The following RALGAPA1 variants were observed in gnomAD, a reference collection of about 807,000 sequenced individuals.
The protein encoded by RALGAPA1 is ral GTPase-activating protein subunit alpha-1.
In RALGAPA1, 52 loss-of-function variants were observed where a neutral mutation model predicts 269.6. The ratio of observed to expected loss-of-function variants is 0.19; its 90% CI spans 0.15 to 0.24. The LOEUF is 0.24. RALGAPA1 is among the 10% of genes least tolerant of loss of function. The probability of loss-of-function intolerance (pLI) is 1.00; values close to 1 mark genes in which losing one functional copy is unlikely to be tolerated. For missense variants in RALGAPA1, 1,917 were observed against 3,013.9 expected (o/e 0.64, Z 8.52); for synonymous variants, 817 against 1,008.3 (o/e 0.81, Z 3.60).
At chr14:35,588,167 G>A (rs183891742) in intron 37 of RALGAPA1, among the ~76,000 whole-genome samples, 1 of 152,190 alleles carries the variant, frequency 6.6e-6, no homozygotes, top group Admixed American at 6.5e-5. Context: ...TTGACCTCAC[G>A]TTCCGCCCGC....
At chr14:35,569,248 T>A (rs2056966856) in intron 39 of RALGAPA1, among the ~76,000 whole-genome samples, 1 of 152,206 alleles carries the variant, frequency 6.6e-6, no homozygotes, top group East Asian at 1.9e-4. Context: ...AAGATATTTT[T>A]AAAAACTTTC....
chr14:35,575,199 T>G lies in RALGAPA1; in HGVS notation c.7210-2481A>C, dbSNP rs563558253. Among the ~76,000 whole-genome samples, 4 of 152,114 alleles carry G rather than the reference T, an allele frequency of 2.6e-5. No individual in the cohort carries two copies. In the East Asian group the frequency reaches 7.7e-4, roughly 29 times the overall value. The stretch of plus-strand genomic sequence containing the variant: ...TCTAAAACCACCAAAGAAGTTCCTA[T>G]CTACATGTTTATTGACCCAGATGCT... On this transcript the variant is annotated intron_variant, in intron 37 of 41. Transcript: ENST00000680220.
At chr14:35,755,907 C>T (rs867620827) in intron 7 of RALGAPA1, among the ~76,000 whole-genome samples, 3 of 152,072 alleles carry the variant, frequency 2.0e-5, no homozygotes, top group East Asian at 1.9e-4. Flanking sequence ...TGAATAAAAG[C>T]GTTTTCATCA....
At chr14:35,729,691 G>A (rs1489716029) in intron 12 of RALGAPA1, among the ~76,000 whole-genome samples, 1 of 152,176 alleles carries the variant, frequency 6.6e-6, no homozygotes, top group Admixed American at 6.5e-5. Flanking sequence ...ACAGAGTGAA[G>A]TAAACCAGGG....
intron 4 of RALGAPA1, chr14:35,766,751 T>C: frequency 1.9e-6 from 1 of 530,200 alleles, no homozygotes; most frequent in Non-Finnish European, 3.8e-6. Flanking sequence ...TTGCTAATGA[T>C]TTTGTGAATG....
chr14:35,793,024 A>T (rs1427528470), intron 1 of RALGAPA1, among the ~76,000 whole-genome samples: 4 of 152,118 alleles, frequency 2.6e-5, no homozygotes, highest in Non-Finnish European at 5.9e-5. Context: ...ATTATTATAA[A>T]GCCAGAAAAG....
At chr14:35,621,828 C>G (rs983079895) in intron 35 of RALGAPA1, among the ~76,000 whole-genome samples, 3 of 152,168 alleles carry the variant, frequency 2.0e-5, no homozygotes, top group Non-Finnish European at 4.4e-5. Context: ...CATCTCACAA[C>G]AGTTAGAATG....
At chr14:35,666,863 T>C (rs1416036697) in intron 26 of RALGAPA1, among the ~76,000 whole-genome samples, 1 of 152,178 alleles carries the variant, frequency 6.6e-6, no homozygotes, top group Non-Finnish European at 1.5e-5. Flanking sequence ...GAATACCCCA[T>C]TGAACAGTAA....
At chr14:35,548,691 A>C (rs377535952) in intron 40 of RALGAPA1, among the ~76,000 whole-genome samples, 153 bp from the exon 41 acceptor site, 1 of 152,302 alleles carries the variant, frequency 6.6e-6, no homozygotes, top group Non-Finnish European at 1.5e-5. Flanking sequence ...AACATAAATT[A>C]CAGTATTAAG....
intron 35 of RALGAPA1, among the ~76,000 whole-genome samples, chr14:35,611,568 C>A (rs1200299099): frequency 1.9e-4 from 26 of 137,690 alleles, no homozygotes; most frequent in African/African-American, 4.3e-4. Flanking sequence ...CCCGTCTCTA[C>A]AAAAAAAAAA....
chr14:35,797,254 G>T (rs1350164871), intron 1 of RALGAPA1, among the ~76,000 whole-genome samples: 1 of 149,542 alleles, frequency 6.7e-6, no homozygotes, highest in Admixed American at 6.7e-5. Flanking sequence ...CTAGGGGGCT[G>T]AAGCAGGAGA....
chr14:35,551,934 G>A (rs2055051207), intron 39 of RALGAPA1, among the ~76,000 whole-genome samples: 1 of 152,114 alleles, frequency 6.6e-6, no homozygotes, highest in Non-Finnish European at 1.5e-5. Flanking sequence ...GCAGAGTGAA[G>A]GGAAGCAATC....
chr14:35,790,413 C>T (rs762771654), intron 1 of RALGAPA1, among the ~76,000 whole-genome samples: 5 of 151,434 alleles, frequency 3.3e-5, no homozygotes, highest in African/African-American at 7.3e-5. Flanking sequence ...ACAGGCCAAG[C>T]GCGGTAGCTC....
At chr14:35,616,142 G>T (rs2060239252) in intron 35 of RALGAPA1, among the ~76,000 whole-genome samples, 1 of 151,880 alleles carries the variant, frequency 6.6e-6, no homozygotes, top group Admixed American at 6.6e-5. Flanking sequence ...AAAGGGAAAT[G>T]GTCAAATTTG....
intron 35 of RALGAPA1, among the ~76,000 whole-genome samples, chr14:35,619,805 T>A (rs1046543641): frequency 6.6e-6 from 1 of 152,044 alleles, no homozygotes; most frequent in African/African-American, 2.4e-5. Flanking sequence ...CAGGAAGAAG[T>A]TGAATCTCCG....
At chr14:35,622,272 C>T (rs1020010571) in intron 35 of RALGAPA1, among the ~76,000 whole-genome samples, 1 of 152,102 alleles carries the variant, frequency 6.6e-6, no homozygotes, top group African/African-American at 2.4e-5. Flanking sequence ...GGATAGAAAA[C>T]CAAACACCAC....
chr14:35,673,943 C>T (rs1489391642), intron 24 of RALGAPA1, among the ~76,000 whole-genome samples: 9 of 152,124 alleles, frequency 5.9e-5, no homozygotes, highest in Admixed American at 2.0e-4. Flanking sequence ...CAGTTAAATA[C>T]AATACAGACA....
chr14:35,675,248 T>C (rs1222267782), intron 22 of RALGAPA1, among the ~76,000 whole-genome samples: 1 of 152,230 alleles, frequency 6.6e-6, no homozygotes, highest in African/African-American at 2.4e-5. Flanking sequence ...TGATCTTGAC[T>C]TACTGCAACC....
intron 16 of RALGAPA1, among the ~76,000 whole-genome samples, chr14:35,711,242 T>G (rs1367754416): frequency 6.6e-6 from 1 of 152,240 alleles, no homozygotes; most frequent in African/African-American, 2.4e-5. Context: ...ATTACTGCTA[T>G]AGTTAACACT....
Sources: allele counts gnomAD v4.1 joint callset (sites outside exome capture counted in the v4.1 genomes callset), GRCh38; gene constraint gnomAD v4.1.1; transcripts MANE v1.5; gene names NCBI Gene and HGNC (gene_info 2026-07-23, HGNC 2026-07-21).